CSMD2: variants seen among roughly 807,000 people sequenced by gnomAD.
CSMD2 encodes the protein CUB and sushi domain-containing protein 2.
A neutral mutation model predicts 398.5 loss-of-function variants in CSMD2; 130 were observed. The ratio of observed to expected loss-of-function variants is 0.33; its 90% confidence interval spans 0.28 to 0.38. CSMD2 has a LOEUF of 0.38. Ranked by LOEUF, CSMD2 falls within the 10% of genes least tolerant of loss-of-function variation. The pLI is 1.00. For missense variants in CSMD2, 3,829 were observed against 4,764.9 expected, an observed-to-expected ratio of 0.80 and a Z score of 5.78; for synonymous variants, 1,828 against 1,908.5, an observed-to-expected ratio of 0.96 and a Z score of 1.10.
chr1:33,709,014 C>T, intron 22 of CSMD2, 75 bp downstream of exon 22: 1 of 1,320,300 alleles, frequency 7.6e-7, no homozygotes, highest in Non-Finnish European at 1.0e-6. Flanking sequence ...ATCATTCACA[C>T]AGAGACAAAG....
intron 3 of CSMD2, among the ~76,000 whole-genome samples, chr1:34,012,550 T>C (rs1188330881): frequency 6.6e-6 from 1 of 152,072 alleles, no homozygotes; most frequent in African/African-American, 2.4e-5. Context: ...CAAGTGATTC[T>C]CCTGCCTCAA....
chr1:33,524,323 ATCT>A (rs1188367400), intron 66 of CSMD2, among the ~76,000 whole-genome samples: 2 of 152,156 alleles, frequency 1.3e-5, no homozygotes, highest in Admixed American at 6.5e-5. Context: ...CTCCCTCCGT[ATCT>A]TCTTATGATA....
chr1:33,738,227 G>C (rs1055667751), intron 15 of CSMD2, among the ~76,000 whole-genome samples: 1 of 152,174 alleles, frequency 6.6e-6, no homozygotes, highest in Admixed American at 6.5e-5. Flanking sequence ...CATGAAATGT[G>C]AGAAGAAGGT....
chr1:33,846,958 C>T lies in CSMD2; in HGVS notation c.959G>A (p.Ser320Asn). ...GAAGTGCAGTCGCAGCCAGTTCTTG[C>T]TGCTGATAACGGGGGCTGGGAGGCT... Reference protein sequence around the residue: ...GASLPAPVISSKNWLRLHFTS... With the variant: ...GASLPAPVISNKNWLRLHFTS... The change falls in exon 6 of 71, where the codon AGC becomes AAC. Residue 320 changes from serine (S) to asparagine (N), a missense_variant. Transcript: ENST00000373381. 1 of 1,610,602 alleles carries T rather than the reference C, an allele frequency of 6.2e-7. No homozygotes were observed. The highest frequency in any genetic ancestry group is 8.5e-7 in the Non-Finnish European group (1 of 1,178,360).
At position 33,635,665 on chromosome 1, in the gene CSMD2, T is replaced by C. The variant is rs1453375412; in HGVS notation, c.4970-335A>G. ...ACCTCTTCTGCTTACACGTGGAGCCTAGAAATGATCTGCTGCCCTGGCTGA... is the reference window on the plus strand; with the variant it reads ...ACCTCTTCTGCTTACACGTGGAGCCCAGAAATGATCTGCTGCCCTGGCTGA... On this transcript the variant is annotated intron_variant, in intron 30 of 70. Coordinates refer to ENST00000373381, the MANE Select transcript of CSMD2 (RefSeq NM_001281956.2). The surrounding 1 kb of genome is among the most constrained non-coding windows in gnomAD (Gnocchi z 5.0). Among the ~76,000 whole-genome samples, 1 of 152,172 alleles carries C rather than the reference T, an allele frequency of 6.6e-6. No homozygotes were observed. The highest frequency in any genetic ancestry group is 2.4e-5 in the African/African-American group (1 of 41,442).
intron 47 of CSMD2, 42 bp downstream of exon 47, chr1:33,583,600 G>A: frequency 6.3e-7 from 1 of 1,585,378 alleles, no homozygotes; most frequent in Non-Finnish European, 8.6e-7. Context: ...GCAAGTCCAT[G>A]TCTTCTGCAG....
At chr1:34,157,314 G>A (rs977769289) in intron 1 of CSMD2, among the ~76,000 whole-genome samples, 1 of 152,056 alleles carries the variant, frequency 6.6e-6, no homozygotes, top group African/African-American at 2.4e-5. Flanking sequence ...AATGTGAGGC[G>A]GGTCAAGGTA....
chr1:33,691,009 G>C (rs1645219918), intron 25 of CSMD2, among the ~76,000 whole-genome samples: 1 of 152,214 alleles, frequency 6.6e-6, no homozygotes, highest in African/African-American at 2.4e-5. Context: ...CCTCCCGGGT[G>C]AGCTGACATT....
At chr1:33,792,672 C>A in intron 10 of CSMD2, 146 bp from the exon 11 acceptor site, 1 of 643,350 alleles carries the variant, frequency 1.6e-6, no homozygotes, top group Non-Finnish European at 2.8e-6. Flanking sequence ...CATTTCTGTC[C>A]CACTTTAATG....
intron 5 of CSMD2, chr1:33,885,451 C>G (rs981143189): frequency 2.6e-4 from 39 of 152,298 alleles, no homozygotes; most frequent in African/African-American, 9.4e-4. Context: ...TGGTTCAATT[C>G]AATCCGATTT....
At chr1:33,762,274 C>G (rs1649918937) in intron 13 of CSMD2, among the ~76,000 whole-genome samples, 1 of 152,244 alleles carries the variant, frequency 6.6e-6, no homozygotes, top group South Asian at 2.1e-4. Flanking sequence ...TGGGGAAACT[C>G]TGTTGGCCTC....
intron 2 of CSMD2, among the ~76,000 whole-genome samples, chr1:34,085,612 G>C (rs1337427084): frequency 6.6e-6 from 1 of 152,142 alleles, no homozygotes; most frequent in East Asian, 1.9e-4. Context: ...GGTGAGAGGA[G>C]ACAGAAGATT....
At chr1:33,777,448 C>G (rs1652147299) in intron 12 of CSMD2, among the ~76,000 whole-genome samples, 1 of 152,214 alleles carries the variant, frequency 6.6e-6, no homozygotes, top group Non-Finnish European at 1.5e-5. Flanking sequence ...GCTGGAAACA[C>G]AGAGACCACG....
chr1:33,813,705 A>G (rs1192031282), intron 9 of CSMD2, among the ~76,000 whole-genome samples: 2 of 152,016 alleles, frequency 1.3e-5, no homozygotes, highest in Non-Finnish European at 2.9e-5. Context: ...CTTGGTGCCA[A>G]AGAAGAGAAC....
intron 13 of CSMD2, among the ~76,000 whole-genome samples, chr1:33,751,392 A>T (rs1648219042): frequency 6.6e-6 from 1 of 152,162 alleles, no homozygotes. Context: ...TGTATCATCT[A>T]GGCTGAAAAT....
intron 13 of CSMD2, among the ~76,000 whole-genome samples, chr1:33,764,219 G>A (rs995255798): frequency 1.3e-5 from 2 of 152,244 alleles, no homozygotes; most frequent in East Asian, 3.9e-4. Flanking sequence ...AGCCTCCTTT[G>A]TGACCCATTC....
At chr1:33,762,544 G>A (rs1649957501) in intron 13 of CSMD2, among the ~76,000 whole-genome samples, 1 of 152,166 alleles carries the variant, frequency 6.6e-6, no homozygotes, top group Admixed American at 6.5e-5. Context: ...ACTCTTAGCT[G>A]GAATAAGGCC....
intron 3 of CSMD2, among the ~76,000 whole-genome samples, chr1:34,028,409 C>T (rs1230134216): frequency 1.3e-5 from 2 of 152,108 alleles, no homozygotes; most frequent in African/African-American, 2.4e-5. Context: ...ATTTAAAATT[C>T]AGATTAACTG....
intron 6 of CSMD2, among the ~76,000 whole-genome samples, chr1:33,843,152 AGCAGAGATTGGCCTAGGC>A (rs1557990088): frequency 1.3e-5 from 2 of 152,210 alleles, no homozygotes; most frequent in African/African-American, 4.8e-5. Flanking sequence ...TCTCCTTAAG[AGCAGAGATTGGCCTAGGC>A]GCATTCATCT....
Sources: gnomAD v4.1 joint callset for allele counts (sites outside exome capture counted in the v4.1 genomes callset) on GRCh38, gnomAD v4.1.1 for gene constraint, Gnocchi (gnomAD v3.1) non-coding constraint, MANE v1.5 for transcripts, NCBI Gene and HGNC (gene_info 2026-07-23, HGNC 2026-07-21) for gene names.